TMEM74: variants seen among roughly 807,000 people sequenced by gnomAD.
The protein encoded by TMEM74 is transmembrane protein 74.
In TMEM74, 13 loss-of-function variants were observed where a neutral mutation model predicts 18.1. That is an observed-to-expected ratio of 0.72 (90% CI 0.47 to 1.14). TMEM74 has a LOEUF of 1.14. Ranked by LOEUF, TMEM74 falls within the 50% of genes most tolerant of loss-of-function variation. TMEM74 has a pLI of 0.00. For missense variants in TMEM74, 372 were observed against 375.9 expected (o/e 0.99, Z 0.09); for synonymous variants, 159 against 146.6 (o/e 1.08, Z -0.61).
intron 1 of TMEM74, among the ~76,000 whole-genome samples, chr8:108,694,139 T>A (rs908993118): frequency 5.9e-5 from 9 of 152,240 alleles, no homozygotes; most frequent in Non-Finnish European, 1.3e-4. Context: ...CATCAAGTAA[T>A]TAAAGTGAAA....
intron 1 of TMEM74, among the ~76,000 whole-genome samples, chr8:108,657,859 A>ATAT (rs1449112150): frequency 4.8e-4 from 24 of 49,858 alleles, no homozygotes; most frequent in South Asian, 8.5e-4. Flanking sequence ...AAAAAAAAAA[A>ATAT]ATATATATAT....
chr8:108,638,040 T>C (rs1397798938), intron 2 of TMEM74, among the ~76,000 whole-genome samples: 1 of 152,136 alleles, frequency 6.6e-6, no homozygotes, highest in African/African-American at 2.4e-5. Context: ...ATTCAGCTAA[T>C]GCAGCCAAAT....
chr8:108,607,809 T>C (rs995425033), intron 3 of TMEM74: 4 of 152,232 alleles, frequency 2.6e-5, no homozygotes, highest in Non-Finnish European at 5.9e-5. Context: ...ATTACTTTAT[T>C]CACTTAACAT....
At chr8:108,755,122 A>G (rs1358312028) in intron 1 of TMEM74, among the ~76,000 whole-genome samples, 1 of 152,132 alleles carries the variant, frequency 6.6e-6, no homozygotes, top group Admixed American at 6.6e-5. Context: ...TTACCATGAC[A>G]GTGATTACAT....
intron 1 of TMEM74, among the ~76,000 whole-genome samples, chr8:108,761,692 A>C (rs1814046407): frequency 6.6e-6 from 1 of 152,138 alleles, no homozygotes; most frequent in African/African-American, 2.4e-5. Context: ...ATGCAGCTTT[A>C]ATGCTCTTCT....
chr8:108,783,045 T>C lies in TMEM74; in HGVS notation c.*1136A>G, dbSNP rs1814327803. ...CATCTAGACCACTGTGAGTGGGAGG[T>C]GAGTTCTGACGATGACTACAGTCCC... On this transcript the variant is annotated 3_prime_UTR_variant, in exon 2 of 2. Coordinates refer to ENST00000297459, the MANE Select transcript of TMEM74 (RefSeq NM_153015.3). Among the ~76,000 whole-genome samples the C allele has an allele frequency of 6.6e-6, 1 of 152,114 alleles. No homozygotes were observed. Among genetic ancestry groups the C allele is most frequent in the Non-Finnish European group, 1.5e-5 (1 of 68,034 alleles).
At chr8:108,644,151 G>A (rs1812693018) in intron 2 of TMEM74, among the ~76,000 whole-genome samples, 1 of 152,078 alleles carries the variant, frequency 6.6e-6, no homozygotes, top group East Asian at 1.9e-4. Context: ...TATAAAAACA[G>A]ACACATAAAC....
At chr8:108,756,812 GGA>G (rs1393374413) in intron 1 of TMEM74, among the ~76,000 whole-genome samples, 4 of 150,832 alleles carry the variant, frequency 2.7e-5, no homozygotes, top group Non-Finnish European at 5.9e-5. Flanking sequence ...AAGGAAGGAA[GGA>G]AGGAAGGAAG....
downstream of TMEM74, among the ~76,000 whole-genome samples, chr8:108,775,309 G>A (rs893352686): frequency 3.9e-5 from 6 of 152,058 alleles, no homozygotes; most frequent in Admixed American, 6.6e-5. Flanking sequence ...TTTTATCTAT[G>A]GCCACATCTA....
chr8:108,706,592 A>G (rs1307157011), intron 1 of TMEM74, among the ~76,000 whole-genome samples: 1 of 152,164 alleles, frequency 6.6e-6, no homozygotes, highest in African/African-American at 2.4e-5. Flanking sequence ...TTACTTTTTG[A>G]AAATTACTTA....
At chr8:108,670,436 A>G (rs1016906442) in intron 1 of TMEM74, among the ~76,000 whole-genome samples, 6 of 152,186 alleles carry the variant, frequency 3.9e-5, no homozygotes, top group African/African-American at 1.4e-4. Flanking sequence ...AGAGCTTTAG[A>G]TCATCGATGG....
At chr8:108,641,362 A>ATT (rs1483187760) in intron 2 of TMEM74, among the ~76,000 whole-genome samples, 2 of 152,124 alleles carry the variant, frequency 1.3e-5, no homozygotes, top group Non-Finnish European at 2.9e-5. Flanking sequence ...GTTCATTCTC[A>ATT]TTTTTCCTGT....
intron 1 of TMEM74, among the ~76,000 whole-genome samples, chr8:108,756,606 GGAAGGA>G (rs1563543642): frequency 7.6e-4 from 46 of 60,238 alleles, no homozygotes; most frequent in African/African-American, 4.1e-3. Flanking sequence ...GAGAAAGGAA[GGAAGGA>G]AGGAAGGAAG....
intron 1 of TMEM74, among the ~76,000 whole-genome samples, chr8:108,717,870 T>C (rs1256323740): frequency 1.3e-5 from 2 of 151,176 alleles, no homozygotes; most frequent in Non-Finnish European, 2.9e-5. Flanking sequence ...AGGGGCATTT[T>C]AAGGACTTAG....
chr8:108,688,101 A>C lies in TMEM74; in HGVS notation n.120-32664T>G, dbSNP rs139709220. 2.8e-3 allele frequency among the ~76,000 whole-genome samples: 423 copies of C among 152,348 alleles called. 3 individuals are homozygous for C. Among genetic ancestry groups the C allele is most frequent in the African/African-American group, 9.5e-3 (393 of 41,580 alleles). ...GTGAATTCAAATCGAAGTAGAAATG[A>C]GCTATCTTTCTCCATCAGTTTAGCA... On this transcript the variant is annotated intron_variant and non_coding_transcript_variant, in intron 1 of 3. Coordinates refer to the TMEM74 transcript ENST00000518838.
intron 2 of TMEM74, among the ~76,000 whole-genome samples, chr8:108,646,685 G>A (rs1297447654): frequency 6.6e-6 from 1 of 152,132 alleles, no homozygotes; most frequent in Non-Finnish European, 1.5e-5. Context: ...GGCATTAACA[G>A]TGACAGTTTT....
rs984538953 is a variant in TMEM74, at chr8:108,670,057, A to T, written n.120-14620T>A. Among the ~76,000 whole-genome samples the T allele has an allele frequency of 9.6e-4, 144 of 149,574 alleles. 1 individual carries two copies. The highest frequency in any genetic ancestry group is 3.3e-3 in the African/African-American group (134 of 40,716). On this transcript the variant is annotated intron_variant and non_coding_transcript_variant, in intron 1 of 3. Coordinates refer to the TMEM74 transcript ENST00000518838. ...TGTGAAAAAAAAAAAAAAAAAAAAA[A>T]GGCAATGAATGGCTTAATTCCTTTT...
chr8:108,711,148 T>G (rs1813471230), intron 1 of TMEM74, among the ~76,000 whole-genome samples: 1 of 152,218 alleles, frequency 6.6e-6, no homozygotes, highest in African/African-American at 2.4e-5. Flanking sequence ...CTAGTGACTC[T>G]AATATACCAC....
intron 1 of TMEM74, among the ~76,000 whole-genome samples, chr8:108,743,033 A>G (rs1178709964): frequency 3.3e-5 from 5 of 152,210 alleles, no homozygotes; most frequent in East Asian, 1.9e-4. Context: ...GTTGCTTTAT[A>G]TAGTCGATAG....
Sources: allele counts gnomAD v4.1 joint callset (sites outside exome capture counted in the v4.1 genomes callset), GRCh38; gene constraint gnomAD v4.1.1; transcripts MANE v1.5; gene names NCBI Gene and HGNC (gene_info 2026-07-23, HGNC 2026-07-21).